Variants in CASP6 observed in about 807,000 individuals in gnomAD.
CASP6 encodes the protein caspase 6, also known as caspase-6.
In CASP6, 20 loss-of-function variants were observed where a neutral mutation model predicts 31.8. The observed-to-expected ratio is 0.63, with a 90% CI of 0.44 to 0.91. The LOEUF (loss-of-function observed/expected upper bound fraction) is 0.91, where lower values mean the gene tolerates loss of function less well. Among genes scored for constraint, CASP6 ranks in the 40% least tolerant of loss-of-function variants. The pLI is 0.00. For synonymous variants in CASP6, 130 were observed against 127.8 expected (o/e 1.02, Z -0.12); for missense variants, 328 against 361.1 (o/e 0.91, Z 0.74).
At chr4:109,664,943 TAA>T in the CASP6 span, among the ~76,000 whole-genome samples, 38,682 of 150,864 alleles carry the variant, frequency 0.26, 5,036 homozygotes, top group South Asian at 0.27. Flanking sequence ...TTAACTCTTG[TAA>T]AAAAAAAAAA....
chr4:109,709,405 T>C, the CASP6 span, among the ~76,000 whole-genome samples: 7 of 152,192 alleles, frequency 4.6e-5, no homozygotes, highest in Non-Finnish European at 1.0e-4. Context: ...AGCAAATCCA[T>C]TAAAATTCAG....
At chr4:109,678,361 G>A in the CASP6 span, among the ~76,000 whole-genome samples, 1 of 151,852 alleles carries the variant, frequency 6.6e-6, no homozygotes, top group Non-Finnish European at 1.5e-5. Context: ...CCTCCCAGGT[G>A]GGGCGGCCGG....
At chr4:109,664,945 A>T in the CASP6 span, among the ~76,000 whole-genome samples, 1 of 14,286 alleles carries the variant, frequency 7.0e-5, no homozygotes, top group Non-Finnish European at 1.3e-4. Flanking sequence ...AACTCTTGTA[A>T]AAAAAAAAAA....
chr4:109,684,561 C>A, downstream of CASP6: 1 of 1,608,246 alleles, frequency 6.2e-7, no homozygotes, highest in Non-Finnish European at 8.5e-7. Flanking sequence ...TGGGTGTACT[C>A]CTGGGATATC....
At chr4:109,679,787 T>TTTGTTGTTGTTGTTG in the CASP6 span, among the ~76,000 whole-genome samples, 35 of 151,672 alleles carry the variant, frequency 2.3e-4, no homozygotes, top group African/African-American at 7.8e-4. Context: ...GAGGTATAAT[T>TTTGTTGTTGTTGTTG]TTGTTGTTGT....
rs376919922 is a variant in CASP6 at position 109,703,388 on chromosome 4, G to A, written c.8C>T (p.Ser3Leu). 5 of 1,611,696 alleles carry A rather than the reference G, an allele frequency of 3.1e-6. No individual in the cohort carries two copies. In the African/African-American group the frequency reaches 4.0e-5, roughly 13 times the overall value. MS[S>L]ASGLRRGHPA... The stretch of plus-strand genomic sequence containing the variant: ...GTGCCCCCTGCGGAGCCCCGAGGCC[G>A]AGCTCATTGCAGCCAAACGCGCAGC... Residue 3 changes from serine to leucine, a missense_variant, in exon 1 of 7, where the codon TCG becomes TTG. Ser to Leu is a moderately radical substitution (Grantham distance 145). Coordinates refer to ENST00000265164, the MANE Select transcript of CASP6 (RefSeq NM_001226.4).
At chr4:109,702,336 T>C (rs146988025) in intron 1 of CASP6, among the ~76,000 whole-genome samples, 2,881 of 146,776 alleles carry the variant, frequency 0.02, 41 homozygotes, top group Non-Finnish European at 0.031. Context: ...CTTTTTTTTT[T>C]TTTTTCTTCT....
the CASP6 span, among the ~76,000 whole-genome samples, chr4:109,673,605 A>T: frequency 6.6e-5 from 10 of 152,270 alleles, no homozygotes; most frequent in Non-Finnish European, 1.2e-4. Context: ...GGATTAACTG[A>T]AAATGAAATT....
At chr4:109,706,923 T>A (rs923935053), upstream of CASP6, among the ~76,000 whole-genome samples, 2 of 151,854 alleles carry the variant, frequency 1.3e-5, no homozygotes, top group African/African-American at 4.8e-5. Flanking sequence ...AACAAAAAAA[T>A]GAAGCAAACT....
At chr4:109,682,732 C>T in the CASP6 span, 1 of 1,612,618 alleles carries the variant, frequency 6.2e-7, no homozygotes. Context: ...CAGCTGCAGC[C>T]CCTTGAACAG....
upstream of CASP6, among the ~76,000 whole-genome samples, chr4:109,704,775 A>G (rs1730547351): frequency 6.6e-6 from 1 of 152,180 alleles, no homozygotes; most frequent in South Asian, 2.1e-4. Context: ...CAGTGGTGCG[A>G]TCTTTTGCAA....
chr4:109,706,128 ATT>A (rs199704463), upstream of CASP6, among the ~76,000 whole-genome samples: 12,688 of 34,010 alleles, frequency 0.37, 1,948 homozygotes, highest in African/African-American at 0.5. Flanking sequence ...ATACCTATCC[ATT>A]TTATATATAT....
the CASP6 span, chr4:109,674,021 T>A: frequency 1.7e-4 from 212 of 1,264,096 alleles, no homozygotes; most frequent in African/African-American, 2.9e-3. Context: ...TCCATTCATC[T>A]GATCCACATG....
At chr4:109,674,348 A>T in the CASP6 span, among the ~76,000 whole-genome samples, 1 of 152,350 alleles carries the variant, frequency 6.6e-6, no homozygotes, top group Middle Eastern at 3.4e-3. Context: ...TAACTTAAAC[A>T]TGTCACCTAA....
chr4:109,696,218 C>T (rs754256511), intron 4 of CASP6, among the ~76,000 whole-genome samples, 192 bp downstream of exon 4: 8 of 152,130 alleles, frequency 5.3e-5, no homozygotes, highest in Admixed American at 4.6e-4. Context: ...ACTTTAGAGG[C>T]ATAATTATTT....
chr4:109,668,348 C>T, the CASP6 span, among the ~76,000 whole-genome samples: 11 of 152,242 alleles, frequency 7.2e-5, no homozygotes, highest in Admixed American at 7.2e-4. Context: ...AAGCATTGTT[C>T]TGTCTTCTTG....
chr4:109,705,128 C>A (rs1217964896), upstream of CASP6, among the ~76,000 whole-genome samples: 1 of 152,232 alleles, frequency 6.6e-6, no homozygotes, highest in Non-Finnish European at 1.5e-5. Flanking sequence ...GGCTGATGCT[C>A]TTGTTAGGGG....
downstream of CASP6, chr4:109,685,260 T>C: frequency 7.3e-7 from 1 of 1,365,230 alleles, no homozygotes; most frequent in Non-Finnish European, 1.0e-6. Flanking sequence ...GGATTATACT[T>C]ACTCAGCTGT....
chr4:109,698,400 T>A, intron 1 of CASP6, 58 bp from the exon 2 acceptor site: 1 of 1,450,474 alleles, frequency 6.9e-7, no homozygotes, highest in Non-Finnish European at 9.6e-7. Context: ...TAAAATATAG[T>A]AGGAACTCCC....
Sources: gnomAD v4.1 joint callset for allele counts (sites outside exome capture counted in the v4.1 genomes callset) on GRCh38, gnomAD v4.1.1 for gene constraint, MANE v1.5 for transcripts, NCBI Gene and HGNC (gene_info 2026-07-23, HGNC 2026-07-21) for gene names.